Variants in TAF4B observed in about 807,000 individuals in gnomAD.
TAF4B encodes transcription initiation factor TFIID subunit 4B.
TAF4B carries 38 observed loss-of-function variants against 86.4 expected under a neutral mutation model. The observed-to-expected ratio is 0.44, with a 90% confidence interval of 0.34 to 0.58. The LOEUF (loss-of-function observed/expected upper bound fraction) is 0.58. TAF4B is among the 20% of genes least tolerant of loss of function. The pLI is 0.02. For synonymous variants in TAF4B, 388 were observed against 391.2 expected, an observed-to-expected ratio of 0.99 and a Z score of 0.10; for missense variants, 988 against 1,027.6, an observed-to-expected ratio of 0.96 and a Z score of 0.53.
intron 1 of TAF4B, among the ~76,000 whole-genome samples, chr18:26,237,229 C>G (rs771820749): frequency 6.6e-6 from 1 of 152,152 alleles, no homozygotes; most frequent in African/African-American, 2.4e-5. Flanking sequence ...TCTTCGAACT[C>G]TTGGGCTGCA....
At chr18:26,387,678 T>C (rs938261650) in intron 14 of TAF4B, among the ~76,000 whole-genome samples, 1 of 152,160 alleles carries the variant, frequency 6.6e-6, no homozygotes, top group Admixed American at 6.5e-5. Context: ...GGCTCTATAC[T>C]GTAGATGGGC....
At chr18:26,283,849 G>A (rs1032760534) in intron 6 of TAF4B, among the ~76,000 whole-genome samples, 9 of 152,074 alleles carry the variant, frequency 5.9e-5, no homozygotes, top group Non-Finnish European at 1.2e-4. Flanking sequence ...TCAGGAGTTC[G>A]AGACCAGCCT....
At chr18:26,360,789 T>A (rs2057323035) in intron 14 of TAF4B, among the ~76,000 whole-genome samples, 1 of 152,212 alleles carries the variant, frequency 6.6e-6, no homozygotes, top group Admixed American at 6.5e-5. Context: ...CAAATTCTTG[T>A]ATGTATTTGG....
intron 6 of TAF4B, 103 bp from the exon 7 acceptor site, chr18:26,285,779 A>T: frequency 7.3e-7 from 1 of 1,362,890 alleles, no homozygotes; most frequent in Non-Finnish European, 1.0e-6. Flanking sequence ...TACTTGATAC[A>T]CTTTTGATTG....
At chr18:26,243,344 TC>T (rs2055870853) in intron 1 of TAF4B, among the ~76,000 whole-genome samples, 1 of 152,250 alleles carries the variant, frequency 6.6e-6, no homozygotes. Context: ...TGATCTTCAA[TC>T]ACTGATACCC....
chr18:26,274,408 A>G (rs1451417312), intron 3 of TAF4B, among the ~76,000 whole-genome samples: 1 of 152,186 alleles, frequency 6.6e-6, no homozygotes, highest in Non-Finnish European at 1.5e-5. Flanking sequence ...GAGAGTAATC[A>G]GGATTAGCAA....
At chr18:26,276,015 CAAAAAAA>C (rs374826135) in intron 5 of TAF4B, among the ~76,000 whole-genome samples, 4 of 75,942 alleles carry the variant, frequency 5.3e-5, no homozygotes, top group Non-Finnish European at 8.1e-5. Context: ...GACTCTGTCT[CAAAAAAA>C]AAAAAAAAAA....
At chr18:26,291,557 A>G (rs1012922889) in intron 7 of TAF4B, among the ~76,000 whole-genome samples, 2 of 151,794 alleles carry the variant, frequency 1.3e-5, no homozygotes, top group African/African-American at 2.4e-5. Flanking sequence ...AAATACAAAA[A>G]TTAGCCAGGC....
intron 1 of TAF4B, among the ~76,000 whole-genome samples, chr18:26,240,775 T>C (rs1252446806): frequency 1.3e-5 from 2 of 152,196 alleles, no homozygotes; most frequent in African/African-American, 4.8e-5. Flanking sequence ...ACCTAACTTA[T>C]TGAGAGTTTT....
At chr18:26,302,392 T>TTTTTG (rs71169844) in intron 9 of TAF4B, among the ~76,000 whole-genome samples, 2 of 147,870 alleles carry the variant, frequency 1.4e-5, no homozygotes, top group Non-Finnish European at 3.0e-5. Context: ...TTTTTTTTTT[T>TTTTTG]GAGAAATGGT....
intron 1 of TAF4B, among the ~76,000 whole-genome samples, chr18:26,261,772 A>T (rs952762283): frequency 6.6e-6 from 1 of 152,116 alleles, no homozygotes; most frequent in Non-Finnish European, 1.5e-5. Context: ...TCTTTGGTAA[A>T]CTAGTAGACT....
At chr18:26,298,609 T>G (rs72880164) in intron 9 of TAF4B, among the ~76,000 whole-genome samples, 6,637 of 152,162 alleles carry the variant, frequency 0.044, 200 homozygotes, top group Non-Finnish European at 0.061. Flanking sequence ...CCTAGCTCAC[T>G]GCAGCCTCAG....
chr18:26,287,842 G>A (rs1226532769), intron 7 of TAF4B, among the ~76,000 whole-genome samples: 2 of 152,202 alleles, frequency 1.3e-5, no homozygotes, highest in African/African-American at 2.4e-5. Context: ...GGGTTGATCC[G>A]TGACCAGAAT....
At chr18:26,301,576 G>A (rs919980591) in intron 9 of TAF4B, among the ~76,000 whole-genome samples, 2 of 152,090 alleles carry the variant, frequency 1.3e-5, no homozygotes, top group Non-Finnish European at 2.9e-5. Context: ...TTATAGACAT[G>A]AGCCACCACA....
intron 9 of TAF4B, among the ~76,000 whole-genome samples, chr18:26,294,282 T>C (rs1214558974): frequency 1.3e-5 from 2 of 152,122 alleles, no homozygotes; most frequent in Admixed American, 6.5e-5. Context: ...GAGCAATTGG[T>C]AATTCTCAGT....
At chr18:26,334,139 A>G (rs190670411) in intron 12 of TAF4B, among the ~76,000 whole-genome samples, 92 of 152,188 alleles carry the variant, frequency 6.0e-4, no homozygotes, top group African/African-American at 2.1e-3. Flanking sequence ...TTGTTAGTAG[A>G]TTGGGGACTA....
At position 26,238,835 on chromosome 18, in the gene TAF4B, C is replaced by T. The variant is rs1054645484; in HGVS notation, c.343+11559C>T. 7.9e-5 allele frequency among the ~76,000 whole-genome samples: 12 copies of T among 152,080 alleles called. 1 individual carries two copies. The highest frequency in any genetic ancestry group is 4.6e-4 in the Admixed American group (7 of 15,270). ...ATTCTCACCTATGAGATAGAACATG[C>T]GGTGTTTGGTTTTCAGTCCTTGCAG... is the stretch of plus-strand genomic sequence containing the variant. On this transcript the variant is annotated intron_variant, in intron 1 of 14. Transcript: ENST00000269142.
At chr18:26,346,907 G>GTATATATA (rs61248095) in intron 13 of TAF4B, among the ~76,000 whole-genome samples, 616 of 11,100 alleles carry the variant, frequency 0.055, 145 homozygotes, top group Non-Finnish European at 0.12. Context: ...ATATGTGTGT[G>GTATATATA]TATATATATA....
intron 9 of TAF4B, among the ~76,000 whole-genome samples, chr18:26,299,099 G>A (rs929731745): frequency 6.6e-6 from 1 of 151,492 alleles, no homozygotes; most frequent in Admixed American, 6.6e-5. Flanking sequence ...GACCTCAGGT[G>A]ATCTGCCTGC....
Sources: gnomAD v4.1 joint callset for allele counts (sites outside exome capture counted in the v4.1 genomes callset) on GRCh38, gnomAD v4.1.1 for gene constraint, MANE v1.5 for transcripts, NCBI Gene and HGNC (gene_info 2026-07-23, HGNC 2026-07-21) for gene names.